The following HS6ST3 variants were observed in gnomAD, a reference collection of about 807,000 sequenced individuals.
The protein encoded by HS6ST3 is heparan-sulfate 6-O-sulfotransferase 3.
Under a neutral mutation model 36.7 loss-of-function variants are expected in HS6ST3, and 12 were observed. The ratio of observed to expected loss-of-function variants is 0.33; its 90% CI spans 0.21 to 0.53. The LOEUF (loss-of-function observed/expected upper bound fraction) is 0.53. HS6ST3 is among the 20% of genes least tolerant of loss of function. The pLI is 0.95. For missense variants in HS6ST3, 584 were observed against 640.9 expected, an observed-to-expected ratio of 0.91 and a Z score of 0.96; for synonymous variants, 240 against 257.5, an observed-to-expected ratio of 0.93 and a Z score of 0.65.
At chr13:96,363,843 C>T (rs911386393) in intron 1 of HS6ST3, among the ~76,000 whole-genome samples, 6 of 151,864 alleles carry the variant, frequency 4.0e-5, no homozygotes, top group African/African-American at 1.5e-4. Flanking sequence ...TTTCAGGGCT[C>T]TATAAATATT....
intron 1 of HS6ST3, among the ~76,000 whole-genome samples, chr13:96,196,993 C>T (rs904078711): frequency 6.6e-6 from 1 of 152,148 alleles, no homozygotes; most frequent in African/African-American, 2.4e-5. Flanking sequence ...CTGGCTCTGC[C>T]ATTCTTTCTC....
chr13:96,481,415 C>G (rs1425432463), intron 1 of HS6ST3, among the ~76,000 whole-genome samples: 3 of 152,122 alleles, frequency 2.0e-5, no homozygotes, highest in Non-Finnish European at 4.4e-5. Flanking sequence ...CCATTTTTCT[C>G]TAGAGTAAAG....
At chr13:96,802,906 C>T (rs928883548) in intron 1 of HS6ST3, among the ~76,000 whole-genome samples, 5 of 152,146 alleles carry the variant, frequency 3.3e-5, no homozygotes, top group Non-Finnish European at 5.9e-5. Flanking sequence ...GTAAAAGTAC[C>T]TTATCAATCT....
At chr13:96,228,576 A>G (rs2054492400) in intron 1 of HS6ST3, among the ~76,000 whole-genome samples, 1 of 152,154 alleles carries the variant, frequency 6.6e-6, no homozygotes, top group Non-Finnish European at 1.5e-5. Context: ...TGTCATGAAT[A>G]TTCTTTATTT....
chr13:96,315,267 C>T (rs2054962820), intron 1 of HS6ST3, among the ~76,000 whole-genome samples: 2 of 151,998 alleles, frequency 1.3e-5, no homozygotes, highest in African/African-American at 4.8e-5. Flanking sequence ...CAAGCCATTA[C>T]AAAGAAACCG....
At chr13:96,337,184 G>T (rs1019972442) in intron 1 of HS6ST3, among the ~76,000 whole-genome samples, 1 of 152,032 alleles carries the variant, frequency 6.6e-6, no homozygotes, top group Non-Finnish European at 1.5e-5. Context: ...TCCTGCCTCA[G>T]CCTCCCAATT....
intron 1 of HS6ST3, among the ~76,000 whole-genome samples, chr13:96,277,286 A>G (rs892580335): frequency 5.3e-5 from 8 of 152,106 alleles, no homozygotes; most frequent in African/African-American, 1.4e-4. Flanking sequence ...TTATGGTTGA[A>G]TTTTACCCTC....
At chr13:96,811,803 G>A (rs1878321976) in intron 1 of HS6ST3, among the ~76,000 whole-genome samples, 1 of 152,196 alleles carries the variant, frequency 6.6e-6, no homozygotes, top group South Asian at 2.1e-4. Flanking sequence ...GAAAGCATGA[G>A]AGAATTAGCA....
At chr13:96,340,578 C>T (rs2055125067) in intron 1 of HS6ST3, among the ~76,000 whole-genome samples, 1 of 152,182 alleles carries the variant, frequency 6.6e-6, no homozygotes, top group Non-Finnish European at 1.5e-5. Context: ...GACACAGGTG[C>T]AGTGCCACAC....
chr13:96,654,448 C>T (rs541559712), intron 1 of HS6ST3, among the ~76,000 whole-genome samples: 13 of 152,268 alleles, frequency 8.5e-5, no homozygotes, highest in South Asian at 6.2e-4. Context: ...TTTCCCAACA[C>T]GATTTATTAA....
intron 1 of HS6ST3, among the ~76,000 whole-genome samples, chr13:96,367,455 T>C (rs1228481883): frequency 2.0e-5 from 3 of 152,362 alleles, no homozygotes; most frequent in African/African-American, 7.2e-5. Context: ...TTTAAGTAAA[T>C]ATTGATCCAC....
intron 1 of HS6ST3, among the ~76,000 whole-genome samples, chr13:96,632,189 GC>G (rs2056534203): frequency 6.6e-6 from 1 of 152,044 alleles, no homozygotes. Context: ...CATCCCTTTT[GC>G]CCCTTCTGTG....
chr13:96,650,163 A>G (rs971488903), intron 1 of HS6ST3, among the ~76,000 whole-genome samples: 1 of 151,930 alleles, frequency 6.6e-6, no homozygotes, highest in Non-Finnish European at 1.5e-5. Flanking sequence ...TACTTTTTCC[A>G]TAGCATTTTA....
chr13:96,827,143 A>G (rs1405529883), intron 1 of HS6ST3, among the ~76,000 whole-genome samples: 3 of 152,174 alleles, frequency 2.0e-5, no homozygotes, highest in African/African-American at 7.2e-5. Context: ...TCACTTTACC[A>G]AAATCACGGG....
chr13:96,676,457 G>A (rs754431012), intron 1 of HS6ST3, among the ~76,000 whole-genome samples: 1 of 152,028 alleles, frequency 6.6e-6, no homozygotes, highest in African/African-American at 2.4e-5. Flanking sequence ...CCAGTACAAC[G>A]TTCACCTCCA....
At chr13:96,363,000 CATGGGTTAGGGATGGG>C (rs964497886) in intron 1 of HS6ST3, among the ~76,000 whole-genome samples, 4 of 151,988 alleles carry the variant, frequency 2.6e-5, no homozygotes, top group Admixed American at 2.0e-4. Context: ...CAGAGGTTGG[CATGGGTTAGGGATGGG>C]AGAGGGAGGT....
At chr13:96,281,010 C>CT (rs1347222466) in intron 1 of HS6ST3, among the ~76,000 whole-genome samples, 9 of 151,782 alleles carry the variant, frequency 5.9e-5, no homozygotes, top group Non-Finnish European at 1.0e-4. Context: ...AAATTTGTAT[C>CT]TTTTTTTTCT....
intron 1 of HS6ST3, among the ~76,000 whole-genome samples, chr13:96,760,173 G>T (rs1397607269): frequency 6.6e-6 from 1 of 151,632 alleles, no homozygotes; most frequent in Non-Finnish European, 1.5e-5. Context: ...AAATTTTTTT[G>T]TTTTATATTG....
chr13:96,146,955 A>G (rs1321931761), intron 1 of HS6ST3, among the ~76,000 whole-genome samples: 1 of 152,240 alleles, frequency 6.6e-6, no homozygotes, highest in East Asian at 1.9e-4. Context: ...TTGTTATACC[A>G]TCTATCAATA....
Sources: gnomAD v4.1 joint callset for allele counts (sites outside exome capture counted in the v4.1 genomes callset) on GRCh38, gnomAD v4.1.1 for gene constraint, MANE v1.5 for transcripts, NCBI Gene and HGNC (gene_info 2026-07-23, HGNC 2026-07-21) for gene names.